NTM: variants seen among roughly 807,000 people sequenced by gnomAD.
NTM encodes the protein IgLON family member 2.
Under a neutral mutation model 42.1 loss-of-function variants are expected in NTM, and 13 were observed. The ratio of observed to expected loss-of-function variants is 0.31; its 90% CI spans 0.20 to 0.49. The LOEUF (loss-of-function observed/expected upper bound fraction) is 0.49, where lower values mean the gene tolerates loss of function less well. NTM is among the 20% of genes least tolerant of loss of function. The pLI is 0.99. For missense variants in NTM, 373 were observed against 452.8 expected, an observed-to-expected ratio of 0.82 and a Z score of 1.60; for synonymous variants, 187 against 179.2, an observed-to-expected ratio of 1.04 and a Z score of -0.35.
At chr11:131,581,682 A>C (rs1166281598) in intron 1 of NTM, among the ~76,000 whole-genome samples, 1 of 152,104 alleles carries the variant, frequency 6.6e-6, no homozygotes, top group Non-Finnish European at 1.5e-5. Flanking sequence ...TGATTACTGA[A>C]CACTTAACAC....
At chr11:131,735,845 T>G (rs1464737404) in intron 1 of NTM, among the ~76,000 whole-genome samples, 2 of 151,026 alleles carry the variant, frequency 1.3e-5, no homozygotes, top group Admixed American at 6.6e-5. Context: ...GGTGTGTGTG[T>G]GTGTGTGTGT....
intron 1 of NTM, chr11:131,796,227 T>C: frequency 1.1e-6 from 1 of 946,150 alleles, no homozygotes; most frequent in Non-Finnish European, 1.3e-6. Flanking sequence ...CCTGTACCTG[T>C]GGAAGAGGCC....
intron 1 of NTM, chr11:131,546,682 T>C (rs1207915826): frequency 6.6e-6 from 1 of 152,194 alleles, no homozygotes; most frequent in East Asian, 1.9e-4. Flanking sequence ...ACTGGGGGAA[T>C]GTAAATGGAG....
chr11:132,146,258 G>C lies in NTM; in HGVS notation c.168-24G>C. ...TGCTGTCGTCTCTCAGTCCCTTGAC[G>C]TACCTGTCTGGTCTTCCCTTCAGGT... On this transcript the variant is annotated intron_variant, in intron 2 of 8. Coordinates refer to ENST00000683400, the MANE Select transcript of NTM (RefSeq NM_001352005.2). The surrounding 1 kb of genome is among the most constrained non-coding windows in gnomAD (Gnocchi z 4.5). 1 of 1,613,420 alleles carries C rather than the reference G, an allele frequency of 6.2e-7. No individual in the cohort carries two copies. Among genetic ancestry groups the C allele is most frequent in the Non-Finnish European group, 8.5e-7 (1 of 1,179,540 alleles).
chr11:132,169,517 A>G (rs1285816761), intron 3 of NTM, among the ~76,000 whole-genome samples: 1 of 150,614 alleles, frequency 6.6e-6, no homozygotes, highest in Non-Finnish European at 1.5e-5. Flanking sequence ...TTGTGTTTTT[A>G]GTAGAGATGG....
At position 131,820,136 on chromosome 11, in the gene NTM, G is replaced by A. The variant is rs985435693; in HGVS notation, c.83-91428G>A. 9.2e-5 allele frequency among the ~76,000 whole-genome samples: 14 copies of A among 152,306 alleles called. No individual in the cohort carries two copies. The South Asian group carries it at 2.3e-3, about 25-fold the overall frequency. Reference sequence around the variant, plus strand: ...TAATAACATAAGCGGCTGCTTGGGCGCAAAGTGGGTCCTTTCAACCACAAC... The same window carrying A: ...TAATAACATAAGCGGCTGCTTGGGCACAAAGTGGGTCCTTTCAACCACAAC... On this transcript the variant is annotated intron_variant, in intron 1 of 8. Transcript: ENST00000683400.
At chr11:131,696,492 A>G (rs1268606726) in intron 1 of NTM, among the ~76,000 whole-genome samples, 2 of 151,986 alleles carry the variant, frequency 1.3e-5, no homozygotes, top group Non-Finnish European at 2.9e-5. Context: ...TTGTGTTTCC[A>G]TTTTCCATAT....
In NTM at chr11:132,013,485, G is replaced by A. The variant is rs1351923375; in HGVS notation, c.167+101837G>A. Among the ~76,000 whole-genome samples, 3 of 152,118 alleles carry A rather than the reference G, an allele frequency of 2.0e-5. No homozygotes were observed. In the East Asian group the frequency reaches 5.8e-4, roughly 29 times the overall value. ...AGAAACATAGCAGTTAAAAGAGGTA[G>A]CTAGTGGAGGACTTGGGAGAAACAA... is the stretch of plus-strand genomic sequence containing the variant. On this transcript the variant is annotated intron_variant, in intron 2 of 8. Transcript: ENST00000683400.
At chr11:132,218,346 A>T (rs2084377813) in intron 4 of NTM, among the ~76,000 whole-genome samples, 1 of 152,210 alleles carries the variant, frequency 6.6e-6, no homozygotes. Context: ...CAACTCTTGG[A>T]ATCTCCTTTT....
At position 132,146,269 on chromosome 11, in the gene NTM, G is replaced by A. The variant is rs1470529092; in HGVS notation, c.168-13G>A. The A allele has an allele frequency of 6.2e-6, 10 of 1,613,890 alleles. No homozygotes were observed. The Admixed American group carries it at 1.3e-4, about 22-fold the overall frequency. Reference sequence around the variant, plus strand: ...CTCAGTCCCTTGACGTACCTGTCTGGTCTTCCCTTCAGGTGCACTATTGAC... The same window carrying A: ...CTCAGTCCCTTGACGTACCTGTCTGATCTTCCCTTCAGGTGCACTATTGAC... On this transcript the variant is annotated splice_polypyrimidine_tract_variant and intron_variant, in intron 2 of 8. Transcript: ENST00000683400. The surrounding 1 kb of genome is among the most constrained non-coding windows in gnomAD (Gnocchi z 4.5).
intron 1 of NTM, among the ~76,000 whole-genome samples, chr11:131,694,977 G>T (rs116051272): frequency 0.023 from 3,572 of 152,266 alleles, 137 homozygotes; most frequent in African/African-American, 0.082. Flanking sequence ...CAGTCGGAGA[G>T]CCATGAAATT....
intron 1 of NTM, among the ~76,000 whole-genome samples, chr11:131,459,437 C>T (rs758916955): frequency 1.4e-4 from 22 of 152,080 alleles, no homozygotes; most frequent in Non-Finnish European, 2.9e-4. Context: ...ACAGTATTAT[C>T]AGTATTTATT....
At chr11:131,523,770 G>A (rs112254117) in intron 1 of NTM, among the ~76,000 whole-genome samples, 2 of 114,236 alleles carry the variant, frequency 1.8e-5, no homozygotes, top group Admixed American at 1.2e-4. Context: ...CTGACAGAGC[G>A]AGACTCCATC....
chr11:131,956,853 A>T (rs1315848681), intron 2 of NTM, among the ~76,000 whole-genome samples: 1 of 152,150 alleles, frequency 6.6e-6, no homozygotes, highest in Non-Finnish European at 1.5e-5. Flanking sequence ...TGTAGTAAAA[A>T]GTGTGCAGGG....
chr11:131,672,044 C>T (rs1209750042), intron 1 of NTM, among the ~76,000 whole-genome samples: 1 of 152,244 alleles, frequency 6.6e-6, no homozygotes, highest in Non-Finnish European at 1.5e-5. Context: ...TGTTCCTCTC[C>T]ACGTGCACAT....
At chr11:131,786,605 C>T (rs2089272492) in intron 1 of NTM, among the ~76,000 whole-genome samples, 1 of 151,928 alleles carries the variant, frequency 6.6e-6, no homozygotes, top group Non-Finnish European at 1.5e-5. Context: ...AATAGTAAAA[C>T]CCAGTGCCAG....
At position 131,671,512 on chromosome 11, in the gene NTM, G is replaced by A. The variant is rs529176122; in HGVS notation, c.83-240052G>A. Reference sequence around the variant, plus strand: ...TAGCCCTGGGCTGGCAGGGCCTACCGGTGGCTGCCCTCACCCTCCTCTGGG... The same window carrying A: ...TAGCCCTGGGCTGGCAGGGCCTACCAGTGGCTGCCCTCACCCTCCTCTGGG... On this transcript the variant is annotated intron_variant, in intron 1 of 8. Coordinates refer to ENST00000683400, the MANE Select transcript of NTM (RefSeq NM_001352005.2). 50 of 985,262 alleles carry A rather than the reference G, an allele frequency of 5.1e-5. No individual in the cohort carries two copies. The South Asian group carries it at 1.8e-3, about 36-fold the overall frequency. 61.0% of individuals were successfully genotyped at this position (985,262 alleles called of 1,614,324 possible). A position where few individuals can be genotyped will look rare whatever the true frequency, so the allele number is the denominator to read the frequency against.
chr11:131,612,730 A>T (rs1435083572), intron 1 of NTM, among the ~76,000 whole-genome samples: 1 of 152,232 alleles, frequency 6.6e-6, no homozygotes. Flanking sequence ...GGTTAAACTT[A>T]GCACAGTGGA....
At chr11:131,585,707 C>T (rs972012920) in intron 1 of NTM, among the ~76,000 whole-genome samples, 1 of 152,178 alleles carries the variant, frequency 6.6e-6, no homozygotes, top group Admixed American at 6.5e-5. Flanking sequence ...CATCAAAACA[C>T]CGAGATAGAA....
Sources: allele counts gnomAD v4.1 joint callset (sites outside exome capture counted in the v4.1 genomes callset), GRCh38; gene constraint gnomAD v4.1.1; non-coding constraint Gnocchi (gnomAD v3.1); transcripts MANE v1.5; gene names NCBI Gene and HGNC (gene_info 2026-07-23, HGNC 2026-07-21).